MS4A12: variants seen among roughly 807,000 people sequenced by gnomAD.
MS4A12 encodes membrane-spanning 4-domains subfamily A member 12.
In MS4A12, 28 loss-of-function variants were observed where a neutral mutation model predicts 23.7. The observed-to-expected ratio is 1.18, with a 90% CI of 0.88 to 1.62. The LOEUF (loss-of-function observed/expected upper bound fraction) is 1.62. MS4A12 is among the 40% of genes most tolerant of loss of function. The probability of loss-of-function intolerance (pLI) is 0.00; values close to 1 mark genes in which losing one functional copy is unlikely to be tolerated. For synonymous variants in MS4A12, 108 were observed against 110.1 expected (o/e 0.98, Z 0.12); for missense variants, 342 against 327.0 (o/e 1.05, Z -0.35).
At chr11:60,493,748 G>GA (rs1172256994) in intron 1 of MS4A12, among the ~76,000 whole-genome samples, 1 of 152,152 alleles carries the variant, frequency 6.6e-6, no homozygotes, top group Non-Finnish European at 1.5e-5. Context: ...AAGTACTCTT[G>GA]AAAATAATAA....
intron 4 of MS4A12, among the ~76,000 whole-genome samples, chr11:60,503,222 G>C (rs2086544194): frequency 6.6e-6 from 1 of 152,066 alleles, no homozygotes; most frequent in South Asian, 2.1e-4. Flanking sequence ...GAGAGACTTA[G>C]GGTTTTCATT....
At chr11:60,499,585 A>G (rs2086514958) in intron 2 of MS4A12, among the ~76,000 whole-genome samples, 1 of 152,246 alleles carries the variant, frequency 6.6e-6, no homozygotes, top group Non-Finnish European at 1.5e-5. Flanking sequence ...AATGTGCAAG[A>G]ATAATTTTTC....
intron 1 of MS4A12, among the ~76,000 whole-genome samples, chr11:60,494,196 C>T (rs1241866957): frequency 1.3e-5 from 2 of 152,096 alleles, no homozygotes; most frequent in Non-Finnish European, 2.9e-5. Context: ...GAACTTGACC[C>T]AGTAAAAATG....
At chr11:60,502,159 C>A in intron 4 of MS4A12, 120 bp downstream of exon 4, 2 of 1,004,378 alleles carry the variant, frequency 2.0e-6, no homozygotes, top group Non-Finnish European at 3.0e-6. Flanking sequence ...CAAAAAAAAT[C>A]TATTGGTTGC....
chr11:60,502,581 C>A (rs959276537), intron 4 of MS4A12, among the ~76,000 whole-genome samples: 5 of 152,244 alleles, frequency 3.3e-5, no homozygotes, highest in South Asian at 2.1e-4. Context: ...GGACTTTGAG[C>A]TCTGTCGGTC....
At chr11:60,493,944 T>C (rs1231452277) in intron 1 of MS4A12, among the ~76,000 whole-genome samples, 2 of 152,248 alleles carry the variant, frequency 1.3e-5, no homozygotes, top group Non-Finnish European at 2.9e-5. Flanking sequence ...TATGTGTTCC[T>C]TGTTCTTAAA....
At chr11:60,502,726 G>A (rs766497057) in intron 4 of MS4A12, among the ~76,000 whole-genome samples, 3 of 152,120 alleles carry the variant, frequency 2.0e-5, no homozygotes, top group South Asian at 2.1e-4. Flanking sequence ...AAAGAAGAAC[G>A]GGGAAAGAGG....
At chr11:60,506,888 A>C in intron 6 of MS4A12, 50 bp downstream of exon 6, 1 of 1,566,244 alleles carries the variant, frequency 6.4e-7, no homozygotes, top group Non-Finnish European at 8.8e-7. Flanking sequence ...CCCTGGAGAA[A>C]TACAGACTTG....
Position 60,503,827 on chromosome 11 carries a change from C to A in MS4A12, c.588+10C>A. On this transcript the variant is annotated intron_variant, in intron 5 of 6. Coordinates refer to ENST00000016913, the MANE Select transcript of MS4A12 (RefSeq NM_017716.3). The stretch of plus-strand genomic sequence containing the variant: ...AGACTACTGGGCCGTGGTAAGTATC[C>A]CATACTCCACCATGTGCCTGCTCTA... 2 of 1,598,290 alleles carry A rather than the reference C, an allele frequency of 1.3e-6. No individual in the cohort carries two copies. The highest frequency in any genetic ancestry group is 1.7e-6 in the Non-Finnish European group (2 of 1,167,722).
intron 5 of MS4A12, among the ~76,000 whole-genome samples, chr11:60,505,685 A>G (rs1273194654): frequency 6.6e-6 from 1 of 152,186 alleles, no homozygotes; most frequent in Non-Finnish European, 1.5e-5. Flanking sequence ...AAGTCTCACT[A>G]ACACTCTCCA....
chr11:60,497,258 C>G, intron 1 of MS4A12, 55 bp from the exon 2 acceptor site: 1 of 1,508,940 alleles, frequency 6.6e-7, no homozygotes, highest in Non-Finnish European at 8.9e-7. Flanking sequence ...GTAAGATTTT[C>G]TTTAGTTTCT....
intron 3 of MS4A12, 77 bp downstream of exon 3, chr11:60,501,259 C>G: frequency 7.1e-7 from 1 of 1,414,826 alleles, no homozygotes; most frequent in Non-Finnish European, 9.4e-7. Flanking sequence ...ATTGCTATCT[C>G]CAGCCAATTC....
intron 1 of MS4A12, among the ~76,000 whole-genome samples, chr11:60,495,404 G>A (rs2086481139): frequency 6.6e-6 from 1 of 151,342 alleles, no homozygotes; most frequent in South Asian, 2.1e-4. Flanking sequence ...ATGAGTACAG[G>A]TTCTGGATTA....
chr11:60,502,426 C>T (rs1025452763), intron 4 of MS4A12, among the ~76,000 whole-genome samples: 2 of 152,238 alleles, frequency 1.3e-5, no homozygotes, highest in African/African-American at 4.8e-5. Context: ...TTTGCCACTT[C>T]TCAGCTCTGT....
intron 1 of MS4A12, among the ~76,000 whole-genome samples, chr11:60,495,266 T>G (rs1202828402): frequency 6.6e-6 from 1 of 151,754 alleles, no homozygotes; most frequent in Non-Finnish European, 1.5e-5. Flanking sequence ...CCTCCTAAAG[T>G]GCTGGATGTG....
At chr11:60,502,807 A>T (rs2086541252) in intron 4 of MS4A12, among the ~76,000 whole-genome samples, 1 of 152,206 alleles carries the variant, frequency 6.6e-6, no homozygotes, top group Admixed American at 6.5e-5. Flanking sequence ...AATTAAAATA[A>T]AATAAGCCTA....
intron 1 of MS4A12, among the ~76,000 whole-genome samples, chr11:60,496,807 T>C (rs1484180177): frequency 6.6e-6 from 1 of 152,232 alleles, no homozygotes; most frequent in African/African-American, 2.4e-5. Flanking sequence ...ATCTGTTTCC[T>C]TGTTTCATCC....
At position 60,495,298 on chromosome 11, in the gene MS4A12, T is replaced by C. The variant is rs1057368598; in HGVS notation, c.-6-2015T>C. 1.3e-5 allele frequency among the ~76,000 whole-genome samples: 2 copies of C among 151,556 alleles called. 1 individual carries two copies. The highest frequency in any genetic ancestry group is 4.2e-4 in the South Asian group (2 of 4,790). ...TGTGTTTCCATTTTGAAAAAAAAAA[T>C]TCCTCTGTAATCAGATATTTCAGAA... is the stretch of plus-strand genomic sequence containing the variant. On this transcript the variant is annotated intron_variant, in intron 1 of 6. Coordinates refer to ENST00000016913, the MANE Select transcript of MS4A12 (RefSeq NM_017716.3).
intron 1 of MS4A12, among the ~76,000 whole-genome samples, chr11:60,495,061 C>T (rs1485527764): frequency 1.3e-5 from 2 of 150,692 alleles, no homozygotes; most frequent in African/African-American, 2.4e-5. Flanking sequence ...GGCACGATCT[C>T]GGCTCACTGC....
Sources: gnomAD v4.1 joint callset for allele counts (sites outside exome capture counted in the v4.1 genomes callset) on GRCh38, gnomAD v4.1.1 for gene constraint, MANE v1.5 for transcripts, NCBI Gene and HGNC (gene_info 2026-07-23, HGNC 2026-07-21) for gene names.